The following MAPKAPK3 variants were observed in gnomAD, a reference collection of about 807,000 sequenced individuals.
MAPKAPK3 encodes MAPK activated protein kinase 3.
Under a neutral mutation model 49.2 loss-of-function variants are expected in MAPKAPK3, and 35 were observed. The observed-to-expected ratio is 0.71, with a 90% CI of 0.54 to 0.94. The LOEUF (loss-of-function observed/expected upper bound fraction) is 0.94. Among genes scored for constraint, MAPKAPK3 ranks in the 40% least tolerant of loss-of-function variants. The pLI is 0.00. For missense variants in MAPKAPK3, 398 were observed against 493.1 expected (o/e 0.81, Z 1.83); for synonymous variants, 178 against 188.7 (o/e 0.94, Z 0.46).
intron 2 of MAPKAPK3, among the ~76,000 whole-genome samples, chr3:50,619,566 C>T (rs1418052477): frequency 1.3e-5 from 2 of 152,098 alleles, no homozygotes; most frequent in African/African-American, 4.8e-5. Flanking sequence ...CACTATTTAA[C>T]CTTCCACCTG....
At chr3:50,641,906 C>G (rs985536702) in intron 4 of MAPKAPK3, 135 bp downstream of exon 4, 26 of 817,444 alleles carry the variant, frequency 3.2e-5, no homozygotes, top group Middle Eastern at 2.2e-4. Flanking sequence ...ACTCAGTGTC[C>G]ATCCCCACAA....
chr3:50,628,357 A>G lies in MAPKAPK3; in HGVS notation c.219+10573A>G, dbSNP rs1305467104. 2.6e-5 allele frequency among the ~76,000 whole-genome samples: 4 copies of G among 152,136 alleles called. No homozygotes were observed. In the East Asian group the frequency reaches 7.7e-4, roughly 29 times the overall value. On this transcript the variant is annotated intron_variant, in intron 2 of 10. Coordinates refer to ENST00000621469, the MANE Select transcript of MAPKAPK3 (RefSeq NM_001243925.2). ...CTGGCCAGTTGGGGGCACATATTTC[A>G]TTGCTGCTGTGGGGTCTCTTCATGA...
intron 2 of MAPKAPK3, among the ~76,000 whole-genome samples, chr3:50,627,611 G>A (rs1284135933): frequency 6.6e-6 from 1 of 152,118 alleles, no homozygotes; most frequent in Non-Finnish European, 1.5e-5. Flanking sequence ...CAGGAGAGGG[G>A]GAGTGAGTCA....
chr3:50,636,338 A>G (rs2033041012), intron 2 of MAPKAPK3, among the ~76,000 whole-genome samples: 2 of 152,240 alleles, frequency 1.3e-5, no homozygotes, highest in African/African-American at 2.4e-5. Context: ...GGTGATAATG[A>G]AGTCCTTTCC....
intron 2 of MAPKAPK3, among the ~76,000 whole-genome samples, chr3:50,633,743 C>T (rs567612413): frequency 6.6e-6 from 1 of 152,370 alleles, no homozygotes; most frequent in East Asian, 1.9e-4. Context: ...TAATGGTTCC[C>T]ACCCTGCTTG....
intron 3 of MAPKAPK3, 104 bp from the exon 4 acceptor site, chr3:50,641,603 G>A: frequency 1.1e-6 from 1 of 886,550 alleles, no homozygotes; most frequent in Non-Finnish European, 1.9e-6. Context: ...TAGGGGAGGA[G>A]CGGAGCAGCA....
intron 2 of MAPKAPK3, among the ~76,000 whole-genome samples, chr3:50,624,038 G>A (rs1317426377): frequency 2.6e-5 from 4 of 152,254 alleles, no homozygotes; most frequent in Admixed American, 2.0e-4. Flanking sequence ...CAGAAAGGTC[G>A]TGTGCCTTTT....
chr3:50,627,672 G>T (rs578098099), intron 2 of MAPKAPK3, among the ~76,000 whole-genome samples: 107 of 152,248 alleles, frequency 7.0e-4, no homozygotes, highest in African/African-American at 2.5e-3. Context: ...AGAGCTGCCA[G>T]GCCACCACCC....
intron 2 of MAPKAPK3, among the ~76,000 whole-genome samples, chr3:50,630,245 G>C (rs1231427256): frequency 6.6e-6 from 1 of 151,944 alleles, no homozygotes; most frequent in East Asian, 1.9e-4. Context: ...CCAGTTGGCA[G>C]TGACTCATCC....
At chr3:50,618,187 G>C (rs2032519799) in intron 2 of MAPKAPK3, among the ~76,000 whole-genome samples, 1 of 152,184 alleles carries the variant, frequency 6.6e-6, no homozygotes, top group Non-Finnish European at 1.5e-5. Flanking sequence ...TGGAAGCTGA[G>C]ACCCCACCAA....
At chr3:50,644,202 C>G (rs2033237840) in intron 5 of MAPKAPK3, among the ~76,000 whole-genome samples, 1 of 152,252 alleles carries the variant, frequency 6.6e-6, no homozygotes, top group Non-Finnish European at 1.5e-5. Flanking sequence ...GAGCACCTGC[C>G]TTGCTTCCCC....
In MAPKAPK3 at chr3:50,617,623, G is replaced by A. The variant is rs1286539544; in HGVS notation, c.58G>A (p.Gly20Ser). The change falls in exon 2 of 11, where the codon GGC becomes AGC. Residue 20 changes from glycine to serine, a missense_variant. By Grantham distance (56) the Gly-to-Ser change is moderately conservative. Around this residue, in one of 5 missense-constraint regions of MAPKAPK3, gnomAD observed 123 missense variants for 117.7 expected, o/e 1.04. Transcript: ENST00000621469. ...CCCTGTGCCCCCGCCAGTTGCACCC[G>A]GCGGACCCGGCTTGGGCGGTGCTCC... is the stretch of plus-strand genomic sequence containing the variant. ...GGPVPPPVAP[G>S]GPGLGGAPGG... 3 of 1,607,468 alleles carry A rather than the reference G, an allele frequency of 1.9e-6. No homozygotes were observed. The highest frequency in any genetic ancestry group is 2.6e-6 in the Non-Finnish European group (3 of 1,175,454).
intron 5 of MAPKAPK3, 87 bp from the exon 6 acceptor site, chr3:50,644,322 G>A: frequency 2.6e-6 from 4 of 1,513,660 alleles, no homozygotes; most frequent in Non-Finnish European, 3.6e-6. Flanking sequence ...CTGGGATGGA[G>A]TCGGGGAGTC....
chr3:50,647,600 G>C (rs1288739774), intron 10 of MAPKAPK3, among the ~76,000 whole-genome samples: 1 of 152,282 alleles, frequency 6.6e-6, no homozygotes, highest in Non-Finnish European at 1.5e-5. Context: ...ATTCTCTGCA[G>C]GTCTTGTGGT....
In MAPKAPK3 at chr3:50,622,936, T is replaced by A. The variant is rs576520434; in HGVS notation, c.219+5152T>A. On this transcript the variant is annotated intron_variant, in intron 2 of 10. Transcript: ENST00000621469. ...GGGAAGCAATGGATCCAGAGCCCAG[T>A]ACCCTGGATGCCTCACTCTCCCTGG... Among the ~76,000 whole-genome samples, 116 of 152,338 alleles carry A rather than the reference T, an allele frequency of 7.6e-4. No individual in the cohort carries two copies. In the Middle Eastern group the frequency reaches 0.014, roughly 18 times the overall value.
At chr3:50,642,466 C>T (rs1169752142) in intron 5 of MAPKAPK3, 134 bp downstream of exon 5, 7 of 665,844 alleles carry the variant, frequency 1.1e-5, no homozygotes, top group Non-Finnish European at 1.9e-5. Context: ...GCTCTGTGTC[C>T]CAGACTGCTT....
intron 6 of MAPKAPK3, among the ~76,000 whole-genome samples, chr3:50,645,345 A>C (rs1044836186): frequency 6.6e-6 from 1 of 152,138 alleles, no homozygotes; most frequent in Non-Finnish European, 1.5e-5. Flanking sequence ...GACCTAGGCT[A>C]TGCATTCAGG....
chr3:50,627,396 C>T (rs916215), intron 2 of MAPKAPK3, among the ~76,000 whole-genome samples: 1 of 152,082 alleles, frequency 6.6e-6, no homozygotes, highest in African/African-American at 2.4e-5. Flanking sequence ...CAGGATGCCT[C>T]TCCCACACCA....
At chr3:50,639,710 T>C (rs2033128772) in intron 2 of MAPKAPK3, among the ~76,000 whole-genome samples, 1 of 152,152 alleles carries the variant, frequency 6.6e-6, no homozygotes, top group Non-Finnish European at 1.5e-5. Context: ...CCTCAACCTC[T>C]CCTGCAGGAA....
Sources: allele counts gnomAD v4.1 joint callset (sites outside exome capture counted in the v4.1 genomes callset), GRCh38; gene constraint gnomAD v4.1.1; regional missense constraint gnomAD v4.1.1; transcripts MANE v1.5; gene names NCBI Gene and HGNC (gene_info 2026-07-23, HGNC 2026-07-21).